Variants in PDE4D observed in about 807,000 individuals in gnomAD.
PDE4D encodes 3',5'-cyclic-AMP phosphodiesterase 4D.
Under a neutral mutation model 87.4 loss-of-function variants are expected in PDE4D, and 24 were observed. The observed-to-expected ratio is 0.27, with a 90% CI of 0.20 to 0.39. PDE4D has a LOEUF of 0.39. Ranked by LOEUF, PDE4D falls within the 10% of genes least tolerant of loss-of-function variation. The pLI is 1.00. For missense variants in PDE4D, 714 were observed against 1,041.0 expected, an observed-to-expected ratio of 0.69 and a Z score of 4.32; for synonymous variants, 384 against 383.2, an observed-to-expected ratio of 1.00 and a Z score of -0.02.
rs1192018801 is a variant in PDE4D, at chr5:59,691,498, A to G, written c.455+201670T>C. Among the ~76,000 whole-genome samples, 3 of 147,222 alleles carry G rather than the reference A, an allele frequency of 2.0e-5. No individual in the cohort carries two copies. The East Asian group carries it at 6.3e-4, about 31-fold the overall frequency. ...GAAAACCAAACACTGCATGTTCTCAATCATAGGTGGGAATTGAACAATGAG... is the reference window on the plus strand; with the variant it reads ...GAAAACCAAACACTGCATGTTCTCAGTCATAGGTGGGAATTGAACAATGAG... On this transcript the variant is annotated intron_variant, in intron 1 of 14. Transcript: ENST00000340635.
chr5:59,344,754 T>C (rs1047130374), intron 1 of PDE4D, among the ~76,000 whole-genome samples: 5 of 152,202 alleles, frequency 3.3e-5, no homozygotes, highest in Admixed American at 3.3e-4. Flanking sequence ...TAAAGTGATA[T>C]ATTGTTTCAC....
chr5:60,167,806 C>G (rs1189397876), intron 2 of PDE4D, among the ~76,000 whole-genome samples: 2 of 152,172 alleles, frequency 1.3e-5, no homozygotes, highest in African/African-American at 4.8e-5. Flanking sequence ...GAAGTTCATG[C>G]ATCTCCATCT....
intron 3 of PDE4D, among the ~76,000 whole-genome samples, chr5:59,907,769 G>A (rs1450381499): frequency 6.6e-6 from 1 of 152,134 alleles, no homozygotes; most frequent in Non-Finnish European, 1.5e-5. Context: ...GGACCAAGGA[G>A]ATGAGAGCTG....
chr5:60,056,711 C>A (rs184210806), intron 2 of PDE4D, among the ~76,000 whole-genome samples: 1 of 151,984 alleles, frequency 6.6e-6, no homozygotes, highest in East Asian at 1.9e-4. Context: ...CCTAGGTTTC[C>A]GTATCTTTAA....
chr5:59,673,598 A>C (rs1747580124), intron 1 of PDE4D, among the ~76,000 whole-genome samples: 1 of 152,222 alleles, frequency 6.6e-6, no homozygotes, highest in South Asian at 2.1e-4. Context: ...CTGCACTTGC[A>C]AATTCCTGAG....
chr5:58,976,590 G>T, intron 12 of PDE4D, 118 bp from the exon 13 acceptor site: 2 of 810,904 alleles, frequency 2.5e-6, no homozygotes, highest in Non-Finnish European at 3.8e-6. Flanking sequence ...TAATGACAGT[G>T]GAAAATCCTT....
At chr5:60,371,031 C>A (rs1200047889) in intron 1 of PDE4D, among the ~76,000 whole-genome samples, 1 of 152,170 alleles carries the variant, frequency 6.6e-6, no homozygotes, top group Non-Finnish European at 1.5e-5. Context: ...CTAGCAAAAG[C>A]TTTGTTTTCA....
At chr5:60,017,637 T>A (rs1235392791) in intron 2 of PDE4D, among the ~76,000 whole-genome samples, 1 of 152,242 alleles carries the variant, frequency 6.6e-6, no homozygotes, top group Non-Finnish European at 1.5e-5. Flanking sequence ...TCATTTTTTT[T>A]ATGACTGCAT....
At chr5:60,117,671 G>A (rs772709087) in intron 2 of PDE4D, among the ~76,000 whole-genome samples, 10 of 151,778 alleles carry the variant, frequency 6.6e-5, no homozygotes, top group Non-Finnish European at 1.2e-4. Flanking sequence ...CTTACTCCTC[G>A]CCATCTTGAA....
chr5:59,226,972 T>G (rs913611562), intron 1 of PDE4D, among the ~76,000 whole-genome samples: 1 of 152,192 alleles, frequency 6.6e-6, no homozygotes, highest in African/African-American at 2.4e-5. Context: ...CCTATTATCA[T>G]GTGCTGACCA....
intron 1 of PDE4D, among the ~76,000 whole-genome samples, chr5:59,385,324 A>C (rs1049311954): frequency 6.6e-6 from 1 of 152,132 alleles, no homozygotes; most frequent in African/African-American, 2.4e-5. Context: ...TTAATATTTT[A>C]CATTTTTTGG....
rs113296108 is a variant in PDE4D, at chr5:59,302,589, T to G, written c.456-86621A>C. The stretch of plus-strand genomic sequence containing the variant: ...GTATCATTCTTATATCTTTGTGTCC[T>G]CATAGCTTAGATCCCACATATCAGT... On this transcript the variant is annotated intron_variant, in intron 1 of 14. Coordinates refer to ENST00000340635, the MANE Select transcript of PDE4D (RefSeq NM_001104631.2). 3.2e-4 allele frequency among the ~76,000 whole-genome samples: 48 copies of G among 151,798 alleles called. 2 individuals are homozygous for G. Among genetic ancestry groups the G allele is most frequent in the African/African-American group, 1.2e-3 (48 of 41,446 alleles).
chr5:59,443,504 T>C (rs1417330766), intron 1 of PDE4D, among the ~76,000 whole-genome samples: 2 of 152,232 alleles, frequency 1.3e-5, no homozygotes, highest in Non-Finnish European at 2.9e-5. Context: ...CTCGTTCTCC[T>C]TTCCAATACT....
At chr5:59,525,783 CAGG>C (rs1203529571) in intron 1 of PDE4D, among the ~76,000 whole-genome samples, 3 of 152,136 alleles carry the variant, frequency 2.0e-5, no homozygotes, top group Admixed American at 2.0e-4. Context: ...AGTGACTTCT[CAGG>C]AGATCTGATA....
intron 1 of PDE4D, among the ~76,000 whole-genome samples, chr5:60,248,476 T>G (rs1748048438): frequency 6.6e-6 from 1 of 151,922 alleles, no homozygotes. Context: ...AGAGGCAAAA[T>G]CAGACTTGTA....
chr5:59,368,975 G>A (rs1432503086), intron 1 of PDE4D, among the ~76,000 whole-genome samples: 2 of 152,108 alleles, frequency 1.3e-5, no homozygotes, highest in African/African-American at 2.4e-5. Flanking sequence ...CTCCATAACC[G>A]CTACAAGGTT....
intron 1 of PDE4D, among the ~76,000 whole-genome samples, chr5:59,609,830 T>C (rs1383804381): frequency 2.0e-5 from 3 of 152,158 alleles, no homozygotes; most frequent in Non-Finnish European, 4.4e-5. Context: ...AAAGGTGTAG[T>C]GGTTCTTGGC....
intron 5 of PDE4D, among the ~76,000 whole-genome samples, chr5:59,146,471 G>C (rs933705408): frequency 1.3e-5 from 2 of 151,996 alleles, no homozygotes; most frequent in Non-Finnish European, 1.5e-5. Context: ...CTACAGGCAA[G>C]GTATGATGGA....
At chr5:60,506,657 A>C (rs1359381057) in intron 1 of PDE4D, among the ~76,000 whole-genome samples, 1 of 152,180 alleles carries the variant, frequency 6.6e-6, no homozygotes. Flanking sequence ...CAGAGTTGCA[A>C]AGGAGGCTGA....
Sources: allele counts gnomAD v4.1 joint callset (sites outside exome capture counted in the v4.1 genomes callset), GRCh38; gene constraint gnomAD v4.1.1; transcripts MANE v1.5; gene names NCBI Gene and HGNC (gene_info 2026-07-23, HGNC 2026-07-21).